MYH3: variants seen among roughly 807,000 people sequenced by gnomAD.
MYH3 encodes the protein myosin heavy chain 3.
MYH3 carries 130 observed loss-of-function variants against 238.0 expected under a neutral mutation model. The ratio of observed to expected loss-of-function variants is 0.55; its 90% CI spans 0.47 to 0.63. The LOEUF (loss-of-function observed/expected upper bound fraction) is 0.63. MYH3 is among the 30% of genes least tolerant of loss of function. The pLI is 0.00. For missense variants in MYH3, 1,853 were observed against 2,374.9 expected (o/e 0.78, Z 4.57); for synonymous variants, 880 against 924.1 (o/e 0.95, Z 0.86).
At position 10,638,384 on chromosome 17, in the gene MYH3, G is replaced by A. The variant is rs199517883; in HGVS notation, c.3388C>T (p.Arg1130Cys). ...CTGCGCTGTTTCTCTGTCTTCGCGCGGGTGGCCCTCTCCGCCTCTATCTCC... is the reference window on the plus strand; with the variant it reads ...CTGCGCTGTTTCTCTGTCTTCGCGCAGGTGGCCCTCTCCGCCTCTATCTCC... ...EEEIEAERAT[R>C]AKTEKQRSDY... The change falls in exon 27 of 41, where the codon CGC (arginine) becomes TGC (cysteine). Residue 1130 changes from arginine to cysteine, a missense_variant. Coordinates refer to ENST00000583535, the MANE Select transcript of MYH3 (RefSeq NM_002470.4). 1.5e-5 allele frequency: 24 copies of A among 1,603,208 alleles called. No individual in the cohort carries two copies. Among genetic ancestry groups the A allele is most frequent in the Middle Eastern group, 1.7e-4 (1 of 6,060 alleles).
intron 24 of MYH3, 38 bp downstream of exon 24, chr17:10,639,260 T>C: frequency 6.2e-7 from 1 of 1,613,936 alleles, no homozygotes; most frequent in South Asian, 1.1e-5. Flanking sequence ...CTTCCAACCC[T>C]GGAGTTCTGG....
intron 2 of MYH3, among the ~76,000 whole-genome samples, 152 bp downstream of exon 2, chr17:10,655,938 T>A (rs147942813): frequency 1.3e-5 from 2 of 151,830 alleles, no homozygotes; most frequent in African/African-American, 4.8e-5. Flanking sequence ...GTGTGAGCCA[T>A]TGCACCCGGC....
At chr17:10,636,977 C>T (rs2142392795) in intron 28 of MYH3, among the ~76,000 whole-genome samples, 1 of 151,974 alleles carries the variant, frequency 6.6e-6, no homozygotes, top group South Asian at 2.1e-4. Context: ...GACTGCCAGC[C>T]GAGGATGGAT....
intron 12 of MYH3, among the ~76,000 whole-genome samples, chr17:10,645,417 G>A (rs2074311061): frequency 6.6e-6 from 1 of 152,088 alleles, no homozygotes; most frequent in Admixed American, 6.5e-5. Context: ...GGATGACAGA[G>A]CAAAACTCTG....
chr17:10,632,844 C>A, intron 33 of MYH3, 60 bp from the exon 34 acceptor site: 1 of 1,543,414 alleles, frequency 6.5e-7, no homozygotes, highest in Non-Finnish European at 9.0e-7. Flanking sequence ...AGCTCCACTA[C>A]CCTGCAGGAT....
upstream of MYH3, among the ~76,000 whole-genome samples, chr17:10,659,709 C>T (rs952541136): frequency 6.6e-6 from 1 of 152,270 alleles, no homozygotes; most frequent in East Asian, 1.9e-4. Context: ...ATGCTGATCG[C>T]GTTCAAATGA....
chr17:10,664,204 T>G, the MYH3 span, among the ~76,000 whole-genome samples: 5 of 152,018 alleles, frequency 3.3e-5, no homozygotes, highest in African/African-American at 7.2e-5. Context: ...GGAGTAAAAA[T>G]TGCTAGCACA....
intron 4 of MYH3, 79 bp downstream of exon 4, chr17:10,652,341 C>G: frequency 6.5e-7 from 1 of 1,538,402 alleles, no homozygotes; most frequent in Non-Finnish European, 8.9e-7. Context: ...ATCCCACGGC[C>G]CACACACATA....
intron 40 of MYH3, among the ~76,000 whole-genome samples, chr17:10,629,190 C>G (rs976033714): frequency 7.9e-5 from 12 of 152,122 alleles, no homozygotes; most frequent in Admixed American, 2.0e-4. Context: ...CGCCCCCACC[C>G]CCGGAAAGGC....
intron 26 of MYH3, 29 bp downstream of exon 26, chr17:10,638,844 T>C (rs2074242373): frequency 6.2e-7 from 1 of 1,605,478 alleles, no homozygotes. Flanking sequence ...TGGCCTCACA[T>C]GGAAGAGAGA....
chr17:10,642,706 G>A lies in MYH3; in HGVS notation c.1599C>T (p.Ser533=). ...GGAACATGCACTCCTCTTCCAGGAT[G>A]GAGAAGATGCCCATAGGCTGGATTG... ...ELIEKPMGIF[S]ILEEECMFPK... Residue 533 remains serine, a synonymous_variant, in exon 16 of 41, where the codon TCC becomes TCT. Coordinates refer to ENST00000583535, the MANE Select transcript of MYH3 (RefSeq NM_002470.4). This position sits in a 1 kb window ranked among gnomAD's most constrained non-coding sequence, Gnocchi z 5.4. The A allele has an allele frequency of 6.2e-7, 1 of 1,614,230 alleles. No homozygotes were observed. The highest frequency in any genetic ancestry group is 8.5e-7 in the Non-Finnish European group (1 of 1,180,044).
At position 10,631,945 on chromosome 17, in the gene MYH3, C is replaced by T; in HGVS notation, c.5028G>A (p.Glu1676=). The change falls in exon 35 of 41, where the codon GAG becomes GAA. Residue 1676 remains glutamate, a synonymous_variant. Transcript: ENST00000583535. ...EDLKEQLAIV[E]RRANLLQAEV... is the part of the protein sequence containing the mutation. ...CGGCCTGCAGCAGGTTGGCTCTGCG[C>T]TCCACAATCGCCAGCTGCTCCTTCA... is the stretch of plus-strand genomic sequence containing the variant. 6.2e-7 allele frequency: 1 copy of T among 1,614,116 alleles called. No individual in the cohort carries two copies. Among genetic ancestry groups the T allele is most frequent in the Non-Finnish European group, 8.5e-7 (1 of 1,180,042 alleles).
chr17:10,671,221 T>C, the MYH3 span, among the ~76,000 whole-genome samples: 1 of 152,032 alleles, frequency 6.6e-6, no homozygotes, highest in Non-Finnish European at 1.5e-5. Context: ...TGCCCTAGAG[T>C]TGGGCATCTA....
chr17:10,654,144 T>C lies in MYH3; in HGVS notation c.204+717A>G, dbSNP rs1477791067. On this transcript the variant is annotated intron_variant, in intron 3 of 40. Coordinates refer to ENST00000583535, the MANE Select transcript of MYH3 (RefSeq NM_002470.4). This position sits in a 1 kb window ranked among gnomAD's most constrained non-coding sequence, Gnocchi z 4.5. ...TTACTTGTCTCTTTTATTTTCTTTC[T>C]TTCTTTCTCTTTCTTTCTTTCCTTC... Among the ~76,000 whole-genome samples, 1 of 79,000 alleles carries C rather than the reference T, an allele frequency of 1.3e-5. No individual in the cohort carries two copies. Among genetic ancestry groups the C allele is most frequent in the Non-Finnish European group, 3.9e-5 (1 of 25,786 alleles). 51.8% of individuals were successfully genotyped at this position (79,000 alleles called of 152,430 possible). A position where few individuals can be genotyped will look rare whatever the true frequency, so the allele number is the denominator to read the frequency against.
At position 10,654,377 on chromosome 17, in the gene MYH3, G is replaced by A. The variant is rs1308206877; in HGVS notation, c.204+484C>T. ...TTGGGCCAGAATGTAATGGGCTGCA[G>A]TGCTCATCCCCTTCATGATACAAGG... On this transcript the variant is annotated intron_variant, in intron 3 of 40. Transcript: ENST00000583535. This position sits in a 1 kb window ranked among gnomAD's most constrained non-coding sequence, Gnocchi z 4.5. Among the ~76,000 whole-genome samples the A allele has an allele frequency of 3.9e-5, 6 of 152,224 alleles. No homozygotes were observed. Among genetic ancestry groups the A allele is most frequent in the Non-Finnish European group, 8.8e-5 (6 of 68,044 alleles).
At chr17:10,644,761 C>A in intron 12 of MYH3, 59 bp from the exon 13 acceptor site, 1 of 1,372,300 alleles carries the variant, frequency 7.3e-7, no homozygotes, top group Non-Finnish European at 1.0e-6. Flanking sequence ...GAAAATCATC[C>A]AGAAGTTTCA....
chr17:10,658,188 G>C (rs913697979), upstream of MYH3, among the ~76,000 whole-genome samples: 3 of 152,214 alleles, frequency 2.0e-5, no homozygotes, highest in African/African-American at 7.2e-5. Context: ...TCTAAATCAG[G>C]AGTGGAAAAA....
Position 10,638,867 on chromosome 17 carries a change from T to G in MYH3, c.3339+6A>C. The G allele has an allele frequency of 6.2e-7, 1 of 1,612,628 alleles. No individual in the cohort carries two copies. Among genetic ancestry groups the G allele is most frequent in the South Asian group, 1.1e-5 (1 of 91,038 alleles). On this transcript the variant is annotated splice_donor_region_variant and intron_variant, in intron 26 of 40. Transcript: ENST00000583535. Reference sequence around the variant, plus strand: ...CATGGAAGAGAGAAATGCAGAGGGCTCCTACCTGCAACTCTTTGATTTTCT... The same window carrying G: ...CATGGAAGAGAGAAATGCAGAGGGCGCCTACCTGCAACTCTTTGATTTTCT...
In MYH3 at chr17:10,647,283, G is replaced by A. The variant is rs2074330626; in HGVS notation, c.800-3C>T. On this transcript the variant is annotated splice_region_variant and splice_polypyrimidine_tract_variant and intron_variant, in intron 9 of 40. Transcript: ENST00000583535. ...GACTCTTGATTTTTCCAGAAGATCT[G>A]GAACACAAACACAGGACTCTCTTTC... The A allele has an allele frequency of 6.2e-7, 1 of 1,613,902 alleles. No individual in the cohort carries two copies. Among genetic ancestry groups the A allele is most frequent in the African/African-American group, 1.3e-5 (1 of 74,928 alleles).
Sources: allele counts gnomAD v4.1 joint callset (sites outside exome capture counted in the v4.1 genomes callset), GRCh38; gene constraint gnomAD v4.1.1; non-coding constraint Gnocchi (gnomAD v3.1); transcripts MANE v1.5; gene names NCBI Gene and HGNC (gene_info 2026-07-23, HGNC 2026-07-21).